The following LHFPL3 variants were observed in gnomAD, a reference collection of about 807,000 sequenced individuals.
The protein encoded by LHFPL3 is LHFPL tetraspan subfamily member 3 protein.
In LHFPL3, 5 loss-of-function variants were observed where a neutral mutation model predicts 19.3. The ratio of observed to expected loss-of-function variants is 0.26; its 90% confidence interval spans 0.14 to 0.54. LHFPL3 has a LOEUF of 0.54. Among genes scored for constraint, LHFPL3 ranks in the 20% least tolerant of loss-of-function variants. The probability of loss-of-function intolerance (pLI) is 0.94; values close to 1 mark genes in which losing one functional copy is unlikely to be tolerated. For missense variants in LHFPL3, 249 were observed against 307.4 expected (o/e 0.81, Z 1.42); for synonymous variants, 133 against 126.2 (o/e 1.05, Z -0.36).
intron 1 of LHFPL3, among the ~76,000 whole-genome samples, chr7:104,655,255 T>C (rs1314922584): frequency 2.0e-5 from 3 of 152,170 alleles, no homozygotes; most frequent in African/African-American, 7.2e-5. Context: ...GTTCTACATA[T>C]TGTCTCCTCT....
chr7:104,604,557 G>A (rs1791053956), intron 1 of LHFPL3, among the ~76,000 whole-genome samples: 1 of 152,122 alleles, frequency 6.6e-6, no homozygotes, highest in South Asian at 2.1e-4. Flanking sequence ...TACATAGGCA[G>A]GCTGCAAATT....
intron 1 of LHFPL3, among the ~76,000 whole-genome samples, chr7:104,595,493 C>G (rs1402652241): frequency 1.3e-5 from 2 of 152,232 alleles, no homozygotes; most frequent in Non-Finnish European, 2.9e-5. Context: ...TTTGACATGT[C>G]TCCCAATTAG....
At chr7:104,755,863 T>C (rs1794276158) in intron 2 of LHFPL3, among the ~76,000 whole-genome samples, 1 of 152,126 alleles carries the variant, frequency 6.6e-6, no homozygotes, top group Non-Finnish European at 1.5e-5. Flanking sequence ...GCCCGGTTAA[T>C]TTTGTATTTT....
chr7:104,828,928 G>T (rs1464222375), intron 2 of LHFPL3, among the ~76,000 whole-genome samples: 1 of 151,836 alleles, frequency 6.6e-6, no homozygotes, highest in African/African-American at 2.4e-5. Context: ...CCAGCTTCTC[G>T]GGAGGCTGGG....
At chr7:104,377,581 C>T (rs945960093) in intron 1 of LHFPL3, among the ~76,000 whole-genome samples, 4 of 152,110 alleles carry the variant, frequency 2.6e-5, no homozygotes, top group African/African-American at 9.7e-5. Flanking sequence ...TACTTAAAAC[C>T]ATCTAGAGCA....
intron 1 of LHFPL3, among the ~76,000 whole-genome samples, chr7:104,625,300 G>T (rs1480814446): frequency 6.6e-6 from 1 of 152,162 alleles, no homozygotes; most frequent in Non-Finnish European, 1.5e-5. Context: ...CAAAAACAAT[G>T]ACTGTAATTA....
intron 2 of LHFPL3, among the ~76,000 whole-genome samples, chr7:104,851,023 C>A (rs907854143): frequency 2.0e-5 from 3 of 152,172 alleles, no homozygotes; most frequent in African/African-American, 7.2e-5. Context: ...GAAGGAATAG[C>A]ACCACCTTTG....
At chr7:104,554,904 G>C (rs1794735157) in intron 1 of LHFPL3, among the ~76,000 whole-genome samples, 1 of 152,210 alleles carries the variant, frequency 6.6e-6, no homozygotes, top group Admixed American at 6.5e-5. Context: ...AAGTCCCAGA[G>C]TCAGAAGGCT....
At chr7:104,550,869 T>C (rs1414306720) in intron 1 of LHFPL3, among the ~76,000 whole-genome samples, 2 of 152,228 alleles carry the variant, frequency 1.3e-5, no homozygotes, top group Non-Finnish European at 2.9e-5. Context: ...TAGTTGTCCT[T>C]GATACTTCTT....
intron 1 of LHFPL3, among the ~76,000 whole-genome samples, chr7:104,343,511 TCAAAAAAAAAAAAAAA>T (rs1395095779): frequency 6.0e-5 from 1 of 16,786 alleles, no homozygotes; most frequent in Non-Finnish European, 1.2e-4. Context: ...AGACTCTGTC[TCAAAAAAAAAAAAAAA>T]AAAAAAAAAA....
chr7:104,698,731 G>T (rs1793045269), intron 1 of LHFPL3, among the ~76,000 whole-genome samples: 1 of 152,158 alleles, frequency 6.6e-6, no homozygotes, highest in Non-Finnish European at 1.5e-5. Context: ...ATATTATTCA[G>T]CACTAAAAAG....
intron 2 of LHFPL3, among the ~76,000 whole-genome samples, chr7:104,760,765 T>A (rs1266713192): frequency 2.0e-5 from 3 of 152,210 alleles, no homozygotes; most frequent in African/African-American, 7.2e-5. Flanking sequence ...GCAAGTTCCA[T>A]CACGTCTTGA....
At chr7:104,813,089 A>T (rs956531657) in intron 2 of LHFPL3, among the ~76,000 whole-genome samples, 1 of 151,940 alleles carries the variant, frequency 6.6e-6, no homozygotes, top group Non-Finnish European at 1.5e-5. Context: ...ACTCCAGGCT[A>T]GGCAACAGAG....
At chr7:104,415,420 A>G (rs1791601939) in intron 1 of LHFPL3, among the ~76,000 whole-genome samples, 1 of 152,214 alleles carries the variant, frequency 6.6e-6, no homozygotes, top group Non-Finnish European at 1.5e-5. Context: ...TATGAAAACA[A>G]TAAATTATAG....
intron 2 of LHFPL3, among the ~76,000 whole-genome samples, chr7:104,758,824 T>C (rs991682045): frequency 1.3e-5 from 2 of 151,988 alleles, no homozygotes; most frequent in Non-Finnish European, 2.9e-5. Flanking sequence ...GAGTCTCCCA[T>C]AGGGTTGGGT....
intron 1 of LHFPL3, among the ~76,000 whole-genome samples, chr7:104,662,906 A>G (rs1042766849): frequency 6.6e-6 from 1 of 152,232 alleles, no homozygotes; most frequent in African/African-American, 2.4e-5. Context: ...TAGACATTTT[A>G]AACTGATACT....
At chr7:104,420,640 A>G (rs1399866685) in intron 1 of LHFPL3, among the ~76,000 whole-genome samples, 1 of 146,452 alleles carries the variant, frequency 6.8e-6, no homozygotes, top group African/African-American at 2.5e-5. Context: ...GCTCACTGCA[A>G]GCTCCGCCTC....
intron 2 of LHFPL3, among the ~76,000 whole-genome samples, chr7:104,893,478 C>T (rs10238498): frequency 0.067 from 10,153 of 151,566 alleles, 860 homozygotes; most frequent in East Asian, 0.44. Flanking sequence ...GCCAAGATCA[C>T]GCCACTATAC....
intron 1 of LHFPL3, among the ~76,000 whole-genome samples, chr7:104,585,044 T>C (rs569327754): frequency 1.2e-4 from 19 of 152,270 alleles, no homozygotes; most frequent in African/African-American, 4.6e-4. Context: ...GCCACCTAAA[T>C]GTTGTGGCCC....
Sources: allele counts gnomAD v4.1 joint callset (sites outside exome capture counted in the v4.1 genomes callset), GRCh38; gene constraint gnomAD v4.1.1; transcripts MANE v1.5; gene names NCBI Gene and HGNC (gene_info 2026-07-23, HGNC 2026-07-21).